TOGARAM2: variants seen among roughly 807,000 people sequenced by gnomAD.
TOGARAM2 encodes the protein TOG array regulator of axonemal microtubules 2, also known as TOG array regulator of axonemal microtubules protein 2.
In TOGARAM2, 85 loss-of-function variants were observed where a neutral mutation model predicts 93.3. The observed-to-expected ratio is 0.91, with a 90% CI of 0.76 to 1.09. TOGARAM2 has a LOEUF of 1.09. TOGARAM2 is among the 50% of genes least tolerant of loss of function. The pLI is 0.00. For synonymous variants in TOGARAM2, 593 were observed against 552.8 expected (o/e 1.07, Z -1.02); for missense variants, 1,277 against 1,334.5 (o/e 0.96, Z 0.67).
At chr2:29,043,173 C>T (rs768617985) in intron 18 of TOGARAM2, among the ~76,000 whole-genome samples, 4 of 152,192 alleles carry the variant, frequency 2.6e-5, no homozygotes, top group Non-Finnish European at 4.4e-5. Context: ...CAATGCACCC[C>T]GAGACCTTAT....
At chr2:29,016,880 C>T (rs1664607600) in intron 8 of TOGARAM2, among the ~76,000 whole-genome samples, 1 of 152,208 alleles carries the variant, frequency 6.6e-6, no homozygotes, top group Non-Finnish European at 1.5e-5. Flanking sequence ...ACTTAAGCTT[C>T]ACCTCCTCGG....
At chr2:28,993,854 T>G (rs1243837803) in intron 1 of TOGARAM2, among the ~76,000 whole-genome samples, 1 of 152,222 alleles carries the variant, frequency 6.6e-6, no homozygotes, top group Non-Finnish European at 1.5e-5. Flanking sequence ...TTGGGATTTG[T>G]TGCTCAGAAA....
At chr2:28,998,458 C>T (rs1488552270) in intron 3 of TOGARAM2, among the ~76,000 whole-genome samples, 5 of 152,190 alleles carry the variant, frequency 3.3e-5, no homozygotes, top group South Asian at 4.1e-4. Context: ...GAGGGGGACC[C>T]GCAGGAATAG....
At chr2:28,994,925 A>T in intron 2 of TOGARAM2, 63 bp downstream of exon 2, 2 of 1,538,112 alleles carry the variant, frequency 1.3e-6, no homozygotes, top group African/African-American at 2.7e-5. Flanking sequence ...TGCCTCGGAC[A>T]CTCCCAAGGG....
At chr2:29,030,173 G>C (rs1214043424) in intron 14 of TOGARAM2, among the ~76,000 whole-genome samples, 1 of 152,200 alleles carries the variant, frequency 6.6e-6, no homozygotes, top group African/African-American at 2.4e-5. Context: ...CTACTTGAGA[G>C]GCTGAGATAA....
intron 8 of TOGARAM2, 139 bp from the exon 9 acceptor site, chr2:29,017,015 C>A: frequency 9.6e-7 from 1 of 1,046,170 alleles, no homozygotes; most frequent in Non-Finnish European, 1.4e-6. Context: ...CACTTCAAAG[C>A]TCTTAAGGTG....
chr2:29,007,953 A>G (rs953491237), intron 6 of TOGARAM2, among the ~76,000 whole-genome samples: 1 of 151,422 alleles, frequency 6.6e-6, no homozygotes, highest in South Asian at 2.1e-4. Context: ...CATTCATTTC[A>G]TCTCCACTGT....
At chr2:28,970,780 C>T (rs545036570) in intron 1 of TOGARAM2, among the ~76,000 whole-genome samples, 1 of 152,146 alleles carries the variant, frequency 6.6e-6, no homozygotes, top group Admixed American at 6.5e-5. Flanking sequence ...ACTGTGGCTC[C>T]GAGGGAGTGC....
chr2:28,957,424 G>A (rs963077573), intron 1 of TOGARAM2, among the ~76,000 whole-genome samples: 3 of 152,114 alleles, frequency 2.0e-5, no homozygotes, highest in Admixed American at 1.3e-4. Flanking sequence ...CAGGTGATCC[G>A]CCTGCCTCGA....
At chr2:29,024,076 C>G in intron 12 of TOGARAM2, 63 bp from the exon 13 acceptor site, 1 of 1,408,520 alleles carries the variant, frequency 7.1e-7, no homozygotes, top group Non-Finnish European at 9.8e-7. Flanking sequence ...GGCCCATTTT[C>G]CATGCGTCCC....
upstream of TOGARAM2, among the ~76,000 whole-genome samples, chr2:28,980,432 A>G (rs1027196287): frequency 5.3e-5 from 8 of 152,234 alleles, no homozygotes; most frequent in Non-Finnish European, 1.0e-4. Context: ...TCCTTTGTAC[A>G]GAATATGGGG....
intron 19 of TOGARAM2, 72 bp downstream of exon 19, chr2:29,045,482 C>T: frequency 7.5e-7 from 1 of 1,330,234 alleles, no homozygotes; most frequent in Non-Finnish European, 1.1e-6. Flanking sequence ...GTGGTTGAAC[C>T]ATTCACCCAG....
At chr2:28,987,882 A>G (rs1430701924) in intron 1 of TOGARAM2, among the ~76,000 whole-genome samples, 2 of 152,206 alleles carry the variant, frequency 1.3e-5, no homozygotes, top group Non-Finnish European at 2.9e-5. Flanking sequence ...TGCCAGTCAC[A>G]GCTGGAGTCA....
chr2:29,001,373 C>T (rs892714968), intron 4 of TOGARAM2, among the ~76,000 whole-genome samples: 3 of 151,628 alleles, frequency 2.0e-5, no homozygotes, highest in East Asian at 1.9e-4. Flanking sequence ...AACAGAGTCT[C>T]GCTCTGTCAC....
intron 8 of TOGARAM2, among the ~76,000 whole-genome samples, chr2:29,016,002 T>C (rs767459922): frequency 1.4e-4 from 22 of 152,166 alleles, no homozygotes; most frequent in Non-Finnish European, 2.6e-4. Context: ...TCCCTTGACC[T>C]CCAGACTAAC....
upstream of TOGARAM2, among the ~76,000 whole-genome samples, chr2:28,977,285 C>T (rs1051022667): frequency 5.9e-5 from 9 of 152,138 alleles, no homozygotes; most frequent in Non-Finnish European, 8.8e-5. Context: ...AGCCTGGGGG[C>T]ACCTTATCCT....
chr2:28,988,522 C>T (rs1266872091), intron 1 of TOGARAM2, among the ~76,000 whole-genome samples: 1 of 152,176 alleles, frequency 6.6e-6, no homozygotes, highest in Non-Finnish European at 1.5e-5. Context: ...CCCCTCCCTC[C>T]CCTGTGTCTT....
intron 13 of TOGARAM2, among the ~76,000 whole-genome samples, chr2:29,026,413 T>G (rs942194790): frequency 7.2e-5 from 11 of 151,998 alleles, no homozygotes; most frequent in African/African-American, 2.7e-4. Flanking sequence ...CAACTGTACT[T>G]CCCCGGGGAC....
At chr2:28,964,406 C>G (rs957372942) in intron 1 of TOGARAM2, among the ~76,000 whole-genome samples, 1 of 149,120 alleles carries the variant, frequency 6.7e-6, no homozygotes, top group African/African-American at 2.5e-5. Context: ...CTTTTTTTTC[C>G]TCTTTATCTG....
Sources: gnomAD v4.1 joint callset for allele counts (sites outside exome capture counted in the v4.1 genomes callset) on GRCh38, gnomAD v4.1.1 for gene constraint, MANE v1.5 for transcripts, NCBI Gene and HGNC (gene_info 2026-07-23, HGNC 2026-07-21) for gene names.